The following KICS2 variants were observed in gnomAD, a reference collection of about 807,000 sequenced individuals.
KICS2 encodes KICSTOR subunit 2.
A neutral mutation model predicts 31.4 loss-of-function variants in KICS2; 13 were observed. The observed-to-expected ratio is 0.41, with a 90% confidence interval of 0.27 to 0.66. The LOEUF is 0.66. KICS2 is among the 30% of genes least tolerant of loss of function. The pLI, the probability that KICS2 is intolerant of heterozygous loss-of-function variation, is 0.28. For missense variants in KICS2, 455 were observed against 545.4 expected, an observed-to-expected ratio of 0.83 and a Z score of 1.65; for synonymous variants, 209 against 214.8, an observed-to-expected ratio of 0.97 and a Z score of 0.24.
intron 2 of KICS2, 94 bp from the exon 3 acceptor site, chr12:64,194,752 A>G: frequency 6.9e-7 from 1 of 1,440,260 alleles, no homozygotes; most frequent in Non-Finnish European, 9.2e-7. Flanking sequence ...ATGGCCAAAC[A>G]TAATATTATG....
At chr12:64,188,086 T>C (rs753267351), downstream of KICS2, among the ~76,000 whole-genome samples, 47 of 152,126 alleles carry the variant, frequency 3.1e-4, no homozygotes, top group Non-Finnish European at 5.1e-4. Flanking sequence ...AAGTAACTGG[T>C]TATAAAAACA....
intron 1 of KICS2, among the ~76,000 whole-genome samples, chr12:64,219,853 T>A (rs1043160571): frequency 1.3e-5 from 2 of 152,240 alleles, no homozygotes; most frequent in African/African-American, 4.8e-5. Context: ...CTTTTTGTTT[T>A]GCTTTCTAAA....
chr12:64,187,582 T>TA, downstream of KICS2: 2 of 1,507,776 alleles, frequency 1.3e-6, no homozygotes, highest in East Asian at 4.9e-5. Flanking sequence ...TTCTGACTCA[T>TA]TTCCTCTGGA....
chr12:64,204,759 G>A (rs1348659563), intron 2 of KICS2: 3 of 151,888 alleles, frequency 2.0e-5, no homozygotes, highest in East Asian at 3.9e-4. Context: ...CTCCAGCATG[G>A]ACAGCAGAGT....
At chr12:64,202,165 G>A (rs1338029212) in intron 2 of KICS2, among the ~76,000 whole-genome samples, 1 of 152,166 alleles carries the variant, frequency 6.6e-6, no homozygotes, top group African/African-American at 2.4e-5. Context: ...AGCACTTTGG[G>A]AGGCAGAGGC....
chr12:64,213,717 C>CA (rs1298842269), intron 2 of KICS2, among the ~76,000 whole-genome samples: 1 of 152,160 alleles, frequency 6.6e-6, no homozygotes. Context: ...CCCCCATTTC[C>CA]AAATGCCTGC....
chr12:64,194,996 T>C (rs928771802), intron 2 of KICS2, among the ~76,000 whole-genome samples: 1 of 151,538 alleles, frequency 6.6e-6, no homozygotes, highest in Non-Finnish European at 1.5e-5. Flanking sequence ...CAGGCTGGAG[T>C]GCAATTGTAC....
chr12:64,206,675 G>A (rs1051176557), intron 2 of KICS2, among the ~76,000 whole-genome samples: 1 of 151,992 alleles, frequency 6.6e-6, no homozygotes, highest in Non-Finnish European at 1.5e-5. Flanking sequence ...AAGAAAATGT[G>A]GTACATACAT....
Position 64,193,127 on chromosome 12 carries a change from AAC to A in KICS2, c.*713_*714del. The A allele has an allele frequency of 2.0e-6, 2 of 985,470 alleles. No homozygotes were observed. The highest frequency in any genetic ancestry group is 2.4e-6 in the Non-Finnish European group (2 of 829,936). 61.0% of individuals were successfully genotyped at this position (985,470 alleles called of 1,614,324 possible). ...ACATGATGGCTTATGCTGACTTTAC[AAC>A]AGAGTGAAACATTCAAACATTAAAG... is the stretch of plus-strand genomic sequence containing the variant. On this transcript the variant is annotated 3_prime_UTR_variant, in exon 3 of 3. Transcript: ENST00000398055.
At chr12:64,212,514 C>G (rs532008692) in intron 2 of KICS2, among the ~76,000 whole-genome samples, 4 of 152,176 alleles carry the variant, frequency 2.6e-5, no homozygotes, top group Non-Finnish European at 4.4e-5. Flanking sequence ...CACTTCATTC[C>G]TTTTTATTGC....
At chr12:64,196,309 C>G (rs1005070319) in intron 2 of KICS2, among the ~76,000 whole-genome samples, 2 of 151,800 alleles carry the variant, frequency 1.3e-5, no homozygotes, top group Non-Finnish European at 2.9e-5. Flanking sequence ...CCCGAGCAGC[C>G]TAACTGGGAG....
chr12:64,210,584 T>C (rs1229641291), intron 2 of KICS2, among the ~76,000 whole-genome samples: 7 of 152,106 alleles, frequency 4.6e-5, no homozygotes, highest in Admixed American at 3.3e-4. Context: ...AAGACAAGCC[T>C]GGGCAATATA....
At chr12:64,202,856 A>T (rs1273897185) in intron 2 of KICS2, among the ~76,000 whole-genome samples, 4 of 151,942 alleles carry the variant, frequency 2.6e-5, no homozygotes, top group South Asian at 4.1e-4. Flanking sequence ...AGGCACAGGG[A>T]AAAAAGGGCA....
downstream of KICS2, among the ~76,000 whole-genome samples, chr12:64,190,593 T>C (rs904229252): frequency 6.6e-6 from 1 of 152,018 alleles, no homozygotes; most frequent in African/African-American, 2.4e-5. Flanking sequence ...AGTGCGACCC[T>C]ATCTCTAAAA....
intron 2 of KICS2, among the ~76,000 whole-genome samples, chr12:64,213,478 C>T (rs2037602130): frequency 6.6e-6 from 1 of 152,080 alleles, no homozygotes; most frequent in South Asian, 2.1e-4. Context: ...ACCAGGTAAC[C>T]AAGAAGAGGG....
chr12:64,196,028 G>C (rs1319933745), intron 2 of KICS2, among the ~76,000 whole-genome samples: 1 of 152,268 alleles, frequency 6.6e-6, no homozygotes. Flanking sequence ...TGGGGGAGGG[G>C]CGCCCGCCAT....
In KICS2 at chr12:64,201,641, G is replaced by A. The variant is rs182154265; in HGVS notation, c.522-6983C>T. 2.1e-3 allele frequency among the ~76,000 whole-genome samples: 310 copies of A among 148,062 alleles called. 1 individual carries two copies. Among genetic ancestry groups the A allele is most frequent in the African/African-American group, 7.5e-3 (299 of 39,838 alleles). On this transcript the variant is annotated intron_variant, in intron 2 of 2. Transcript: ENST00000398055. Reference sequence around the variant, plus strand: ...AAAGAAAAAAAAAAAAAACAAAATGGTGGCCAGCCTGGCCAACATGGTGAA... The same window carrying A: ...AAAGAAAAAAAAAAAAAACAAAATGATGGCCAGCCTGGCCAACATGGTGAA...
At chr12:64,217,157 C>G (rs2037637171) in intron 1 of KICS2, among the ~76,000 whole-genome samples, 1 of 152,202 alleles carries the variant, frequency 6.6e-6, no homozygotes, top group African/African-American at 2.4e-5. Context: ...AGGTAACCAA[C>G]TTGTCCCAGT....
downstream of KICS2, among the ~76,000 whole-genome samples, chr12:64,190,688 G>T (rs2037371681): frequency 6.6e-6 from 1 of 151,764 alleles, no homozygotes; most frequent in Non-Finnish European, 1.5e-5. Context: ...GTTCAAAGCT[G>T]CAGAGAGCTA....
Sources: gnomAD v4.1 joint callset for allele counts (sites outside exome capture counted in the v4.1 genomes callset) on GRCh38, gnomAD v4.1.1 for gene constraint, MANE v1.5 for transcripts, NCBI Gene and HGNC (gene_info 2026-07-23, HGNC 2026-07-21) for gene names.